Variants in SCN2A observed in about 807,000 individuals in gnomAD.
The protein encoded by SCN2A is sodium channel protein type 2 subunit alpha.
In SCN2A, 20 loss-of-function variants were observed where a neutral mutation model predicts 188.7. The observed-to-expected ratio is 0.11, with a 90% CI of 0.07 to 0.15. The LOEUF (loss-of-function observed/expected upper bound fraction) is 0.15. SCN2A is among the 10% of genes least tolerant of loss of function. The pLI is 1.00. For missense variants in SCN2A, 1,278 were observed against 2,445.0 expected, an observed-to-expected ratio of 0.52 and a Z score of 10.07; for synonymous variants, 804 against 833.1, an observed-to-expected ratio of 0.97 and a Z score of 0.60.
chr2:165,283,511 G>A (rs1056392743), intron 1 of SCN2A, among the ~76,000 whole-genome samples: 1 of 152,196 alleles, frequency 6.6e-6, no homozygotes, highest in African/African-American at 2.4e-5. Flanking sequence ...TCATTATGGT[G>A]CATGTGAAGG....
At chr2:165,260,318 T>C (rs1308745833) in intron 1 of SCN2A, among the ~76,000 whole-genome samples, 1 of 152,114 alleles carries the variant, frequency 6.6e-6, no homozygotes, top group African/African-American at 2.4e-5. Context: ...AAAACGTTAA[T>C]CTCCTTGCAG....
intron 3 of SCN2A, among the ~76,000 whole-genome samples, chr2:165,299,058 A>G (rs1325698289): frequency 6.6e-6 from 1 of 152,128 alleles, no homozygotes; most frequent in East Asian, 1.9e-4. Flanking sequence ...TTGTTTTAAA[A>G]CTTTTGTAAT....
At chr2:165,259,502 T>A (rs1445395997) in intron 1 of SCN2A, among the ~76,000 whole-genome samples, 2 of 152,254 alleles carry the variant, frequency 1.3e-5, no homozygotes, top group African/African-American at 4.8e-5. Context: ...TTATGTAATA[T>A]TCTAAATCCT....
chr2:165,364,964 T>G (rs1172524032), intron 17 of SCN2A, among the ~76,000 whole-genome samples, 179 bp from the exon 18 acceptor site: 1 of 152,086 alleles, frequency 6.6e-6, no homozygotes, highest in Non-Finnish European at 1.5e-5. Flanking sequence ...TACTATGGTG[T>G]TGTATCTAAT....
At chr2:165,342,251 T>C in intron 14 of SCN2A, 45 bp from the exon 15 acceptor site, 1 of 1,529,058 alleles carries the variant, frequency 6.5e-7, no homozygotes, top group South Asian at 1.1e-5. Flanking sequence ...ATTATTCGTG[T>C]TTCAAGAGTA....
At chr2:165,265,527 A>C (rs1238287275) in intron 1 of SCN2A, among the ~76,000 whole-genome samples, 1 of 106,848 alleles carries the variant, frequency 9.4e-6, no homozygotes, top group Non-Finnish European at 1.9e-5. Context: ...TGCTGTGCAG[A>C]AGCTCTTTAG....
chr2:165,254,203 C>A (rs1292602299), intron 1 of SCN2A, among the ~76,000 whole-genome samples: 2 of 151,556 alleles, frequency 1.3e-5, no homozygotes. Flanking sequence ...TTTTAAGCAT[C>A]TAGATGTAGT....
At chr2:165,352,623 G>A (rs1699983288) in intron 16 of SCN2A, among the ~76,000 whole-genome samples, 1 of 152,134 alleles carries the variant, frequency 6.6e-6, no homozygotes, top group Non-Finnish European at 1.5e-5. Flanking sequence ...GATACTACAA[G>A]AGGAAAATTC....
intron 1 of SCN2A, among the ~76,000 whole-genome samples, chr2:165,251,771 A>G (rs749933042): frequency 1.3e-5 from 2 of 151,884 alleles, no homozygotes; most frequent in African/African-American, 2.4e-5. Context: ...CTCAATTAAA[A>G]TCTCCTCTTG....
chr2:165,261,219 C>T (rs1233756883), intron 1 of SCN2A, among the ~76,000 whole-genome samples: 1 of 152,060 alleles, frequency 6.6e-6, no homozygotes, highest in Non-Finnish European at 1.5e-5. Context: ...ATGCAGAATC[C>T]ACAAATATAG....
chr2:165,378,898 T>C (rs1005041759), intron 23 of SCN2A, among the ~76,000 whole-genome samples: 3 of 151,522 alleles, frequency 2.0e-5, no homozygotes, highest in Non-Finnish European at 3.0e-5. Context: ...TAAACCAAAA[T>C]AAAACATTAT....
intron 3 of SCN2A, among the ~76,000 whole-genome samples, chr2:165,300,808 A>G (rs1696769869): frequency 6.6e-6 from 1 of 152,176 alleles, no homozygotes; most frequent in Non-Finnish European, 1.5e-5. Context: ...ATGAGACTCC[A>G]GGAGGGTTTT....
intron 7 of SCN2A, among the ~76,000 whole-genome samples, chr2:165,311,099 G>A (rs1278530317): frequency 1.3e-5 from 2 of 151,970 alleles, no homozygotes; most frequent in Non-Finnish European, 2.9e-5. Flanking sequence ...CCCTGATTTA[G>A]CCATTCACTT....
intron 3 of SCN2A, among the ~76,000 whole-genome samples, chr2:165,302,972 T>G (rs1306163872): frequency 6.6e-6 from 1 of 152,180 alleles, no homozygotes; most frequent in Non-Finnish European, 1.5e-5. Context: ...ATTAATAGAT[T>G]AAAAAACATC....
intron 17 of SCN2A, among the ~76,000 whole-genome samples, chr2:165,357,240 G>A (rs1439576339): frequency 6.6e-6 from 1 of 152,166 alleles, no homozygotes; most frequent in Non-Finnish European, 1.5e-5. Flanking sequence ...AAGAATTTCA[G>A]ACACTCGCAT....
At chr2:165,310,984 G>C (rs577041137) in intron 7 of SCN2A, among the ~76,000 whole-genome samples, 1 of 152,146 alleles carries the variant, frequency 6.6e-6, no homozygotes, top group East Asian at 1.9e-4. Context: ...GGCCCTATTT[G>C]GTTGATGCAA....
intron 1 of SCN2A, among the ~76,000 whole-genome samples, chr2:165,291,575 T>TCCTTTCTCTCTCTCTCTC (rs1460696524): frequency 2.8e-5 from 2 of 70,548 alleles, no homozygotes; most frequent in African/African-American, 9.3e-5. Flanking sequence ...CTTCCTTCCT[T>TCCTTTCTCTCTCTCTCTC]TCTCTCTCTC....
chr2:165,361,264 A>G (rs902094275), intron 17 of SCN2A, among the ~76,000 whole-genome samples: 1 of 151,976 alleles, frequency 6.6e-6, no homozygotes, highest in Admixed American at 6.6e-5. Context: ...GCTTTACTCT[A>G]CATTAAAATA....
intron 23 of SCN2A, among the ~76,000 whole-genome samples, chr2:165,379,937 T>A (rs1388792533): frequency 1.3e-5 from 2 of 151,776 alleles, no homozygotes; most frequent in South Asian, 2.1e-4. Context: ...AGAGATAGTA[T>A]CATTGTTACA....
Sources: gnomAD v4.1 joint callset for allele counts (sites outside exome capture counted in the v4.1 genomes callset) on GRCh38, gnomAD v4.1.1 for gene constraint, MANE v1.5 for transcripts, NCBI Gene and HGNC (gene_info 2026-07-23, HGNC 2026-07-21) for gene names.